Variants in SGMS1 observed in about 807,000 individuals in gnomAD.
SGMS1 encodes the protein sphingomyelin synthase 1.
In SGMS1, 13 loss-of-function variants were observed where a neutral mutation model predicts 46.2. The observed-to-expected ratio is 0.28, with a 90% CI of 0.18 to 0.45. The LOEUF (loss-of-function observed/expected upper bound fraction) is 0.45. Among genes scored for constraint, SGMS1 ranks in the 20% least tolerant of loss-of-function variants. The pLI is 1.00. For synonymous variants in SGMS1, 203 were observed against 187.8 expected, an observed-to-expected ratio of 1.08 and a Z score of -0.66; for missense variants, 324 against 519.9, an observed-to-expected ratio of 0.62 and a Z score of 3.66.
intron 5 of SGMS1, among the ~76,000 whole-genome samples, chr10:50,440,042 G>A (rs146493695): frequency 2.4e-4 from 36 of 152,254 alleles, no homozygotes; most frequent in African/African-American, 8.4e-4. Context: ...AGCAAGCAAT[G>A]CAGCAACAAA....
chr10:50,390,274 C>A (rs1029322753), intron 6 of SGMS1, among the ~76,000 whole-genome samples: 2 of 152,160 alleles, frequency 1.3e-5, no homozygotes, highest in African/African-American at 4.8e-5. Flanking sequence ...AGCAGGAAAT[C>A]AATTTTAACT....
At chr10:50,444,157 A>G (rs1376498338) in intron 5 of SGMS1, among the ~76,000 whole-genome samples, 1 of 152,202 alleles carries the variant, frequency 6.6e-6, no homozygotes, top group African/African-American at 2.4e-5. Context: ...AAATGTAAAT[A>G]GACTAAACAT....
chr10:50,408,443 A>C (rs1182584016), intron 6 of SGMS1, among the ~76,000 whole-genome samples: 5 of 148,684 alleles, frequency 3.4e-5, no homozygotes, highest in African/African-American at 1.0e-4. Context: ...AAAAAAAAAA[A>C]AAAAAAAAAA....
intron 6 of SGMS1, among the ~76,000 whole-genome samples, chr10:50,344,654 G>A (rs1847885399): frequency 6.6e-6 from 1 of 152,066 alleles, no homozygotes; most frequent in Admixed American, 6.5e-5. Context: ...CGGATCACGA[G>A]GTCAGGAGAT....
At chr10:50,607,766 C>T (rs1287383142) in intron 1 of SGMS1, among the ~76,000 whole-genome samples, 2 of 152,150 alleles carry the variant, frequency 1.3e-5, no homozygotes, top group Non-Finnish European at 2.9e-5. Context: ...TAAAATGAAA[C>T]CACATCATCA....
At chr10:50,311,450 T>C (rs1440945770) in intron 8 of SGMS1, 35 bp from the exon 9 acceptor site, 1 of 1,602,238 alleles carries the variant, frequency 6.2e-7, no homozygotes, top group South Asian at 1.1e-5. Flanking sequence ...AAAAGAAGAT[T>C]CATTACGAGC....
At chr10:50,318,716 G>T (rs1847389790) in intron 8 of SGMS1, among the ~76,000 whole-genome samples, 1 of 152,194 alleles carries the variant, frequency 6.6e-6, no homozygotes, top group South Asian at 2.1e-4. Flanking sequence ...TAAAGGACAA[G>T]AGATTTTACT....
chr10:50,317,463 C>T lies in SGMS1; in HGVS notation c.742-6048G>A, dbSNP rs763201815. Among the ~76,000 whole-genome samples, 53 of 152,320 alleles carry T rather than the reference C, an allele frequency of 3.5e-4. 1 individual carries two copies. The highest frequency in any genetic ancestry group is 2.0e-3 in the Admixed American group (30 of 15,310). ...TAAAAGAGTGGCTTACCGACCAGTACATGAGGTCACACAGAGTGACTCAGT... is the reference window on the plus strand; with the variant it reads ...TAAAAGAGTGGCTTACCGACCAGTATATGAGGTCACACAGAGTGACTCAGT... On this transcript the variant is annotated intron_variant, in intron 8 of 10. Coordinates refer to ENST00000361781, the MANE Select transcript of SGMS1 (RefSeq NM_147156.4).
At chr10:50,462,899 G>T (rs1837282563) in intron 4 of SGMS1, among the ~76,000 whole-genome samples, 1 of 152,078 alleles carries the variant, frequency 6.6e-6, no homozygotes. Flanking sequence ...TGACAGAAAT[G>T]CTTAGGAAAT....
intron 5 of SGMS1, among the ~76,000 whole-genome samples, chr10:50,440,275 A>T (rs1203401): frequency 0.17 from 24,340 of 140,004 alleles, 2,493 homozygotes; most frequent in Non-Finnish European, 0.24. Context: ...CAAATTAAAA[A>T]ATATATATAT....
intron 2 of SGMS1, among the ~76,000 whole-genome samples, chr10:50,557,736 T>C (rs867965353): frequency 2.6e-5 from 4 of 151,204 alleles, no homozygotes; most frequent in South Asian, 4.2e-4. Flanking sequence ...GTTAGGTTTA[T>C]ATGAGCTTAG....
At chr10:50,325,287 T>C (rs890823118) in intron 8 of SGMS1, among the ~76,000 whole-genome samples, 2 of 152,230 alleles carry the variant, frequency 1.3e-5, no homozygotes, top group Non-Finnish European at 2.9e-5. Flanking sequence ...AAAAAGTGTA[T>C]TCTAAATCCT....
At chr10:50,464,066 A>G (rs1410939711) in intron 4 of SGMS1, among the ~76,000 whole-genome samples, 2 of 152,196 alleles carry the variant, frequency 1.3e-5, no homozygotes, top group Non-Finnish European at 2.9e-5. Context: ...CAATGGGTAT[A>G]GAGTTTCAGT....
chr10:50,516,180 CA>C (rs1837804671), intron 3 of SGMS1, among the ~76,000 whole-genome samples: 1 of 152,124 alleles, frequency 6.6e-6, no homozygotes, highest in Admixed American at 6.5e-5. Context: ...ACTGTTAAAT[CA>C]GCAACCTCAC....
intron 3 of SGMS1, among the ~76,000 whole-genome samples, chr10:50,495,238 C>CAAAAA (rs35409405): frequency 1.3e-5 from 1 of 75,892 alleles, no homozygotes; most frequent in Non-Finnish European, 2.4e-5. Context: ...GATTCCGTCT[C>CAAAAA]AAAAAAAAAA....
intron 2 of SGMS1, among the ~76,000 whole-genome samples, chr10:50,539,135 C>T (rs962803190): frequency 6.6e-6 from 1 of 152,232 alleles, no homozygotes; most frequent in African/African-American, 2.4e-5. Flanking sequence ...GCACTGCTGG[C>T]CTTCCCCTGC....
chr10:50,527,437 G>A (rs1280440226), intron 2 of SGMS1, among the ~76,000 whole-genome samples: 3 of 152,126 alleles, frequency 2.0e-5, no homozygotes, highest in African/African-American at 7.2e-5. Context: ...CTAATTTACA[G>A]ATGAGAAACT....
chr10:50,409,491 T>C (rs1374360397), intron 6 of SGMS1, among the ~76,000 whole-genome samples: 1 of 152,212 alleles, frequency 6.6e-6, no homozygotes, highest in Non-Finnish European at 1.5e-5. Context: ...TCATACAACA[T>C]ATCTCTATGT....
At chr10:50,422,936 G>GA (rs1282138321) in intron 6 of SGMS1, among the ~76,000 whole-genome samples, 3 of 152,060 alleles carry the variant, frequency 2.0e-5, no homozygotes, top group African/African-American at 4.8e-5. Flanking sequence ...GACAGATGGG[G>GA]AAAAAAACAC....
Sources: gnomAD v4.1 joint callset for allele counts (sites outside exome capture counted in the v4.1 genomes callset) on GRCh38, gnomAD v4.1.1 for gene constraint, MANE v1.5 for transcripts, NCBI Gene and HGNC (gene_info 2026-07-23, HGNC 2026-07-21) for gene names.